The following PUDP variants were observed in gnomAD, a reference collection of about 807,000 sequenced individuals.
PUDP encodes pseudouridine-5'-phosphatase.
In PUDP, 8 loss-of-function variants were observed where a neutral mutation model predicts 9.4. That is an observed-to-expected ratio of 0.85 (90% CI 0.50 to 1.53). The LOEUF (loss-of-function observed/expected upper bound fraction) is 1.53. Ranked by LOEUF, PUDP falls within the 40% of genes most tolerant of loss-of-function variation. The pLI is 0.00. For synonymous variants in PUDP, 99 were observed against 80.7 expected (o/e 1.23, Z -1.22); for missense variants, 188 against 189.7 (o/e 0.99, Z 0.05).
intron 1 of PUDP, among the ~76,000 whole-genome samples, chrX:7,008,440 G>T (rs777431701): frequency 4.5e-5 from 5 of 110,963 alleles, no homozygotes; most frequent in South Asian, 4.0e-4. Context: ...AACAGGTGGT[G>T]CTCTTCGGTG....
intron 1 of PUDP, among the ~76,000 whole-genome samples, chrX:6,710,132 A>T (rs1378184737): frequency 8.9e-6 from 1 of 112,055 alleles, no homozygotes; most frequent in Admixed American, 9.5e-5. Context: ...AAAAACAACA[A>T]CAACAAAACA....
At chrX:7,052,775 G>A (rs1930137669) in intron 3 of PUDP, among the ~76,000 whole-genome samples, 1 of 111,486 alleles carries the variant, frequency 9.0e-6, no homozygotes, top group African/African-American at 3.3e-5. Flanking sequence ...CAGCTGTGGG[G>A]CAGGATGTTC....
At chrX:6,943,794 C>A (rs1473286836) in intron 3 of PUDP, among the ~76,000 whole-genome samples, 1 of 111,518 alleles carries the variant, frequency 9.0e-6, no homozygotes, top group Non-Finnish European at 1.9e-5. Context: ...CAACACTTCA[C>A]AAAGCATTGA....
intron 2 of PUDP, among the ~76,000 whole-genome samples, chrX:7,082,471 C>T (rs1466596923): frequency 4.5e-5 from 5 of 111,702 alleles, no homozygotes; most frequent in Non-Finnish European, 7.5e-5. Flanking sequence ...TGGGGGGTAC[C>T]GGGGGTTGAC....
chrX:7,008,332 G>A (rs1279763256), intron 1 of PUDP, among the ~76,000 whole-genome samples: 1 of 110,745 alleles, frequency 9.0e-6, no homozygotes, highest in Non-Finnish European at 1.9e-5. Context: ...CTCTAAGCCA[G>A]GTGTTTATTT....
At chrX:6,797,083 A>G (rs1295385833) in intron 3 of PUDP, among the ~76,000 whole-genome samples, 1 of 112,438 alleles carries the variant, frequency 8.9e-6, no homozygotes, top group Non-Finnish European at 1.9e-5. Context: ...TATGTTGGAA[A>G]AAAAGAAACT....
chrX:6,850,297 A>G (rs1032082340), intron 3 of PUDP, among the ~76,000 whole-genome samples: 7 of 112,188 alleles, frequency 6.2e-5, no homozygotes, highest in African/African-American at 2.3e-4. Context: ...GGAATTTAAT[A>G]TCCAATGGGC....
intron 1 of PUDP, among the ~76,000 whole-genome samples, chrX:6,709,796 C>A (rs1311056777): frequency 1.8e-5 from 2 of 111,955 alleles, no homozygotes; most frequent in Non-Finnish European, 3.8e-5. Context: ...TTTCTCAAAC[C>A]TAAGGCACAA....
At chrX:6,936,129 T>A (rs1928294851) in intron 3 of PUDP, among the ~76,000 whole-genome samples, 1 of 106,452 alleles carries the variant, frequency 9.4e-6, no homozygotes, top group Non-Finnish European at 1.9e-5. Context: ...CCCTAACTCT[T>A]TTTATGAGGC....
intron 1 of PUDP, among the ~76,000 whole-genome samples, chrX:7,128,706 G>A (rs773307914): frequency 7.1e-5 from 8 of 111,922 alleles, no homozygotes; most frequent in Non-Finnish European, 1.1e-4. Flanking sequence ...GAATATGGGA[G>A]TGAATAACCT....
At chrX:6,940,373 G>C (rs73629010) in intron 3 of PUDP, among the ~76,000 whole-genome samples, 3,572 of 112,609 alleles carry the variant, frequency 0.032, 140 homozygotes, top group African/African-American at 0.11. Context: ...TGGACACTTA[G>C]AGAAAACACT....
intron 3 of PUDP, among the ~76,000 whole-genome samples, chrX:7,075,760 A>G (rs1229802432): frequency 8.9e-6 from 1 of 111,798 alleles, no homozygotes; most frequent in Non-Finnish European, 1.9e-5. Context: ...CCCGCCATAC[A>G]TTGGCCAATG....
intron 3 of PUDP, among the ~76,000 whole-genome samples, chrX:6,862,156 C>A (rs1759751235): frequency 8.9e-6 from 1 of 111,808 alleles, no homozygotes; most frequent in African/African-American, 3.3e-5. Context: ...TTTAAGGATT[C>A]AGAATGCCAA....
intron 3 of PUDP, among the ~76,000 whole-genome samples, chrX:6,943,267 C>T (rs778006105): frequency 1.8e-5 from 2 of 112,016 alleles, no homozygotes; most frequent in African/African-American, 6.5e-5. Flanking sequence ...CCCCAGAGAG[C>T]CCTCATCACT....
At chrX:6,833,248 GTAGA>G (rs1472732867) in intron 3 of PUDP, among the ~76,000 whole-genome samples, 4 of 111,350 alleles carry the variant, frequency 3.6e-5, no homozygotes, top group Non-Finnish European at 5.6e-5. Context: ...ATGTAGGTAG[GTAGA>G]TGGATGGATG....
intron 3 of PUDP, among the ~76,000 whole-genome samples, chrX:7,060,691 G>A (rs1194589190): frequency 1.8e-5 from 2 of 112,647 alleles, no homozygotes; most frequent in African/African-American, 6.4e-5. Context: ...CATGACTCAC[G>A]TCAATGCAAA....
intron 1 of PUDP, among the ~76,000 whole-genome samples, chrX:6,999,915 A>G (rs933686024): frequency 2.0e-4 from 22 of 111,447 alleles, no homozygotes; most frequent in African/African-American, 5.2e-4. Flanking sequence ...AGAGAATACC[A>G]TTAGGGCAGT....
intron 3 of PUDP, among the ~76,000 whole-genome samples, chrX:6,888,746 T>C (rs1409079892): frequency 4.5e-5 from 5 of 111,941 alleles, no homozygotes; most frequent in African/African-American, 1.6e-4. Context: ...GTGTCTGGCA[T>C]CCTCATTAAT....
chrX:6,803,118 A>G (rs1013406970), intron 3 of PUDP, among the ~76,000 whole-genome samples: 1 of 105,173 alleles, frequency 9.5e-6, no homozygotes, highest in Admixed American at 1.0e-4. Flanking sequence ...AAAATAAAAT[A>G]AAACAAAATA....
Sources: allele counts gnomAD v4.1 joint callset (sites outside exome capture counted in the v4.1 genomes callset), GRCh38; gene constraint gnomAD v4.1.1; transcripts MANE v1.5; gene names NCBI Gene and HGNC (gene_info 2026-07-23, HGNC 2026-07-21).